Variants in L3HYPDH observed in about 807,000 individuals in gnomAD.
L3HYPDH encodes trans-L-3-hydroxyproline dehydratase, also known as trans-3-hydroxy-L-proline dehydratase.
In L3HYPDH, 32 loss-of-function variants were observed where a neutral mutation model predicts 26.5. The observed-to-expected ratio is 1.21, with a 90% CI of 0.91 to 1.62. L3HYPDH has a LOEUF of 1.62. Among genes scored for constraint, L3HYPDH ranks in the 40% most tolerant of loss-of-function variants. The pLI is 0.00. For missense variants in L3HYPDH, 554 were observed against 476.4 expected, an observed-to-expected ratio of 1.16 and a Z score of -1.52; for synonymous variants, 215 against 196.6, an observed-to-expected ratio of 1.09 and a Z score of -0.78.
chr14:59,472,960 A>C lies in L3HYPDH; in HGVS notation c.*5T>G, dbSNP rs1253315642. ...AAAAGAAAGCCCTTAAAATCATGGA[A>C]GAAGTCACTTGAGAAGAAATCCATC... On this transcript the variant is annotated 3_prime_UTR_variant, in exon 5 of 5. Transcript: ENST00000247194. The C allele has an allele frequency of 6.3e-7, 1 of 1,582,730 alleles. No individual in the cohort carries two copies. Among genetic ancestry groups the C allele is most frequent in the Non-Finnish European group, 8.5e-7 (1 of 1,170,482 alleles).
intron 2 of L3HYPDH, among the ~76,000 whole-genome samples, chr14:59,477,691 A>C (rs1889732596): frequency 6.6e-6 from 1 of 152,232 alleles, no homozygotes; most frequent in Admixed American, 6.5e-5. Context: ...ATCATAATAT[A>C]ATTGCACATA....
chr14:59,487,202 C>CA (rs1402554871), upstream of L3HYPDH: 469 of 145,046 alleles, frequency 3.2e-3, 2 homozygotes, highest in East Asian at 0.017. Flanking sequence ...GACTCTGTCT[C>CA]AAAAAAAAAA....
chr14:59,473,604 A>G (rs1275340013), intron 4 of L3HYPDH, among the ~76,000 whole-genome samples: 1 of 152,210 alleles, frequency 6.6e-6, no homozygotes, highest in Non-Finnish European at 1.5e-5. Flanking sequence ...TAACAAGGTG[A>G]GTTTGAGACA....
chr14:59,484,923 C>T (rs1303979515), upstream of L3HYPDH: 2 of 1,456,330 alleles, frequency 1.4e-6, no homozygotes, highest in Non-Finnish European at 1.8e-6. Flanking sequence ...GGTGATAGTG[C>T]AGAAAAAACA....
intron 1 of L3HYPDH, chr14:59,483,562 A>G: frequency 7.1e-7 from 1 of 1,413,700 alleles, no homozygotes; most frequent in Non-Finnish European, 9.2e-7. Flanking sequence ...TCAGGGTAAC[A>G]CGCAATTCCT....
At chr14:59,497,883 C>T in the L3HYPDH span, among the ~76,000 whole-genome samples, 38 of 152,254 alleles carry the variant, frequency 2.5e-4, no homozygotes, top group African/African-American at 9.1e-4. Context: ...CTTCCTAGGA[C>T]ACTCCCCTGT....
intron 2 of L3HYPDH, 73 bp from the exon 3 acceptor site, chr14:59,476,287 C>A (rs1186304065): frequency 9.2e-7 from 1 of 1,088,780 alleles, no homozygotes; most frequent in South Asian, 1.6e-5. Context: ...GCAGATGGGT[C>A]ATTCTTAGAC....
chr14:59,486,186 T>G (rs1051573975), upstream of L3HYPDH, among the ~76,000 whole-genome samples: 5 of 152,328 alleles, frequency 3.3e-5, no homozygotes, highest in South Asian at 1.0e-3. Context: ...TAGGACAATG[T>G]AGGAAACTTT....
Position 59,480,804 on chromosome 14 carries a change from T to TC in L3HYPDH, c.509-1454dup, listed in dbSNP as rs1889964795. 3.9e-5 allele frequency among the ~76,000 whole-genome samples: 6 copies of TC among 152,304 alleles called. No individual in the cohort carries two copies. The South Asian group carries it at 1.2e-3, about 32-fold the overall frequency. ...CAAAACTGAATAAAAAATGTCTTTA[T>TC]CTTGATGCTGGCGCAACATGAAAAG... On this transcript the variant is annotated intron_variant, in intron 1 of 4. Coordinates refer to ENST00000247194, the MANE Select transcript of L3HYPDH (RefSeq NM_144581.2).
the L3HYPDH span, among the ~76,000 whole-genome samples, chr14:59,499,658 G>T: frequency 2.0e-5 from 3 of 152,190 alleles, no homozygotes; most frequent in Non-Finnish European, 4.4e-5. Flanking sequence ...ACGTCCCAAG[G>T]ATGTTGGACA....
At chr14:59,479,052 T>A in intron 2 of L3HYPDH, 130 bp downstream of exon 2, 1 of 706,572 alleles carries the variant, frequency 1.4e-6, no homozygotes, top group Non-Finnish European at 2.1e-6. Context: ...CCTAAGATTT[T>A]AATAAGTACC....
chr14:59,465,942 G>A (rs1889157288), intron 1 of L3HYPDH, among the ~76,000 whole-genome samples: 1 of 152,314 alleles, frequency 6.6e-6, no homozygotes, highest in South Asian at 2.1e-4. Flanking sequence ...GTTCGCGGGT[G>A]GTGATGATGA....
chr14:59,481,301 G>A (rs1189875220), intron 1 of L3HYPDH, among the ~76,000 whole-genome samples: 1 of 152,100 alleles, frequency 6.6e-6, no homozygotes, highest in Non-Finnish European at 1.5e-5. Flanking sequence ...CTTCCTATGT[G>A]GCAGGTCTTT....
At chr14:59,504,837 T>C in the L3HYPDH span, 1 of 154,434 alleles carries the variant, frequency 6.5e-6, no homozygotes. Flanking sequence ...GAGATACTTA[T>C]TTCACTTTGT....
At chr14:59,503,113 T>C in the L3HYPDH span, among the ~76,000 whole-genome samples, 11 of 127,452 alleles carry the variant, frequency 8.6e-5, no homozygotes, top group Middle Eastern at 8.6e-3. Flanking sequence ...CTTGAACTTA[T>C]TTGTTTCTCT....
At chr14:59,501,177 T>C in the L3HYPDH span, 1 of 1,509,774 alleles carries the variant, frequency 6.6e-7, no homozygotes, top group Non-Finnish European at 9.1e-7. Flanking sequence ...ATAATACCAA[T>C]GCTTATCTTT....
the L3HYPDH span, among the ~76,000 whole-genome samples, chr14:59,493,683 C>G: frequency 9.8e-4 from 149 of 152,228 alleles, no homozygotes; most frequent in Middle Eastern, 3.4e-3. Flanking sequence ...TGTGACATAG[C>G]TCAGACCATT....
upstream of L3HYPDH, chr14:59,487,635 T>C (rs1296819314): frequency 2.0e-6 from 3 of 1,517,970 alleles, no homozygotes; most frequent in Middle Eastern, 1.7e-4. Flanking sequence ...TGTTGTAAAA[T>C]AATATCTGTA....
the L3HYPDH span, among the ~76,000 whole-genome samples, chr14:59,490,114 G>T: frequency 6.6e-6 from 1 of 151,980 alleles, no homozygotes; most frequent in East Asian, 1.9e-4. Context: ...TAGAGACAGG[G>T]TCTCTCTATG....
Sources: allele counts gnomAD v4.1 joint callset (sites outside exome capture counted in the v4.1 genomes callset), GRCh38; gene constraint gnomAD v4.1.1; transcripts MANE v1.5; gene names NCBI Gene and HGNC (gene_info 2026-07-23, HGNC 2026-07-21).